The following SMIM31 variants were observed in gnomAD, a reference collection of about 807,000 sequenced individuals.
The protein encoded by SMIM31 is small integral membrane protein 31.
chr4:164,758,622 C>CTTTTTTTTTTTTTTTTTTTTTTT (rs779023276), intron 1 of SMIM31, among the ~76,000 whole-genome samples: 3 of 105,390 alleles, frequency 2.8e-5, no homozygotes, highest in African/African-American at 3.2e-5. Context: ...TGTAGTTTTC[C>CTTTTTTTTTTTTTTTTTTTTTTT]TTTTTTTGTT....
intron 1 of SMIM31, among the ~76,000 whole-genome samples, chr4:164,766,536 C>T (rs1040922953): frequency 1.1e-4 from 17 of 152,098 alleles, no homozygotes; most frequent in Admixed American, 3.9e-4. Flanking sequence ...CGGTGGCTCA[C>T]GTCTGTAATC....
At chr4:164,787,301 G>A (rs936836332) in intron 2 of SMIM31, 3 of 151,550 alleles carry the variant, frequency 2.0e-5, no homozygotes, top group African/African-American at 7.3e-5. Context: ...TGTTCACTTT[G>A]GCAACACATG....
intron 1 of SMIM31, 140 bp downstream of exon 1, chr4:164,754,551 A>ATTTTTTTTTTTTTTTT (rs57916805): frequency 5.4e-5 from 3 of 55,620 alleles, no homozygotes; most frequent in Non-Finnish European, 9.1e-5. Context: ...TCCTGGAGGT[A>ATTTTTTTTTTTTTTTT]TTTTTTTTTT....
At chr4:164,770,033 A>G (rs974663534) in intron 1 of SMIM31, among the ~76,000 whole-genome samples, 15 of 152,100 alleles carry the variant, frequency 9.9e-5, no homozygotes, top group Non-Finnish European at 1.9e-4. Flanking sequence ...TCACTTACAG[A>G]GTTATTATGA....
chr4:164,758,622 C>CTTTTTTTCT (rs779023276), intron 1 of SMIM31, among the ~76,000 whole-genome samples: 1 of 105,388 alleles, frequency 9.5e-6, no homozygotes, highest in Non-Finnish European at 1.9e-5. Flanking sequence ...TGTAGTTTTC[C>CTTTTTTTCT]TTTTTTTGTT....
chr4:164,795,800 T>G (rs1215055658), intron 2 of SMIM31, among the ~76,000 whole-genome samples: 1 of 152,164 alleles, frequency 6.6e-6, no homozygotes, highest in Non-Finnish European at 1.5e-5. Context: ...TAATAACTGT[T>G]TACTAATTGC....
At chr4:164,787,084 A>G (rs1296041671) in intron 2 of SMIM31, among the ~76,000 whole-genome samples, 1 of 152,204 alleles carries the variant, frequency 6.6e-6, no homozygotes, top group African/African-American at 2.4e-5. Flanking sequence ...ACCCTCAGGG[A>G]TAGAATTGTA....
intron 2 of SMIM31, 109 bp downstream of exon 2, chr4:164,770,664 G>A: frequency 2.5e-6 from 1 of 395,910 alleles, no homozygotes; most frequent in Non-Finnish European, 4.5e-6. Flanking sequence ...CTGTGTGTGA[G>A]GATAACTTTG....
intron 1 of SMIM31, among the ~76,000 whole-genome samples, chr4:164,755,183 A>C (rs1207893455): frequency 1.3e-5 from 2 of 151,534 alleles, no homozygotes; most frequent in African/African-American, 4.8e-5. Context: ...ATATTTTTCT[A>C]TCATCCACAG....
At chr4:164,756,706 T>C (rs998574342) in intron 1 of SMIM31, among the ~76,000 whole-genome samples, 8 of 152,270 alleles carry the variant, frequency 5.3e-5, no homozygotes, top group African/African-American at 1.9e-4. Context: ...TCTTCCTCTC[T>C]ACATAGTATG....
In SMIM31 at chr4:164,767,484, G is replaced by A. The variant is rs1420298201; in HGVS notation, c.-25-2935G>A. Among the ~76,000 whole-genome samples the A allele has an allele frequency of 1.3e-5, 2 of 152,216 alleles. 1 individual carries two copies. Among genetic ancestry groups the A allele is most frequent in the African/African-American group, 4.8e-5 (2 of 41,548 alleles). ...TGGTCCTAACCCTTAGAGAAGCTGT[G>A]GGGAACAAGTGATACATTTTTGCAC... On this transcript the variant is annotated intron_variant, in intron 1 of 2. Transcript: ENST00000507311.
intron 2 of SMIM31, among the ~76,000 whole-genome samples, chr4:164,795,434 T>C (rs1288126632): frequency 6.6e-6 from 1 of 151,558 alleles, no homozygotes; most frequent in Admixed American, 6.6e-5. Flanking sequence ...GGTGGTCGCC[T>C]GTAATCCCAG....
At chr4:164,785,041 T>C (rs1303374035) in intron 2 of SMIM31, among the ~76,000 whole-genome samples, 1 of 151,856 alleles carries the variant, frequency 6.6e-6, no homozygotes. Context: ...TTGGGCAACG[T>C]GGCAAAACCT....
At chr4:164,783,232 A>AAAAAAAAAAAAAAAC (rs147369524) in intron 2 of SMIM31, among the ~76,000 whole-genome samples, 1 of 127,226 alleles carries the variant, frequency 7.9e-6, no homozygotes, top group Non-Finnish European at 1.6e-5. Flanking sequence ...AAAAAAAAAA[A>AAAAAAAAAAAAAAAC]GGAATTTCTG....
At chr4:164,792,360 T>G (rs1348355031) in intron 2 of SMIM31, among the ~76,000 whole-genome samples, 1 of 152,196 alleles carries the variant, frequency 6.6e-6, no homozygotes, top group Non-Finnish European at 1.5e-5. Context: ...TAGGCAATAT[T>G]TTGGCAAATT....
At chr4:164,760,901 T>A (rs9996023) in intron 1 of SMIM31, among the ~76,000 whole-genome samples, 71,297 of 151,544 alleles carry the variant, frequency 0.47, 17,548 homozygotes, top group Admixed American at 0.55. Context: ...ATAAAGGGGG[T>A]GAGACAAAGA....
intron 1 of SMIM31, among the ~76,000 whole-genome samples, chr4:164,764,215 A>G (rs567471514): frequency 1.1e-4 from 17 of 152,094 alleles, no homozygotes; most frequent in East Asian, 1.9e-4. Context: ...ATTGCCCTAT[A>G]TGTTTTTTTA....
intron 2 of SMIM31, among the ~76,000 whole-genome samples, chr4:164,772,630 G>A (rs998336289): frequency 3.4e-5 from 5 of 148,676 alleles, no homozygotes; most frequent in African/African-American, 5.0e-5. Context: ...CCAGGCTGGA[G>A]TGCAGTGGCG....
At chr4:164,776,498 G>A (rs1732881494) in intron 2 of SMIM31, among the ~76,000 whole-genome samples, 1 of 152,150 alleles carries the variant, frequency 6.6e-6, no homozygotes, top group Admixed American at 6.6e-5. Context: ...AGGTAGGAAA[G>A]TACAGGATGG....
Sources: gnomAD v4.1 joint callset for allele counts (sites outside exome capture counted in the v4.1 genomes callset) on GRCh38, gnomAD v4.1.1 for gene constraint, MANE v1.5 for transcripts, NCBI Gene and HGNC (gene_info 2026-07-23, HGNC 2026-07-21) for gene names.